The following SLC12A1 variants were observed in gnomAD, a reference collection of about 807,000 sequenced individuals.
The protein encoded by SLC12A1 is Na-K-2Cl cotransporter.
SLC12A1 carries 89 observed loss-of-function variants against 130.4 expected under a neutral mutation model. That is an observed-to-expected ratio of 0.68 (90% CI 0.58 to 0.81). The LOEUF (loss-of-function observed/expected upper bound fraction) is 0.81. Among genes scored for constraint, SLC12A1 ranks in the 40% least tolerant of loss-of-function variants. The probability of loss-of-function intolerance (pLI) is 0.00; values close to 1 mark genes in which losing one functional copy is unlikely to be tolerated. For missense variants in SLC12A1, 1,310 were observed against 1,336.4 expected, an observed-to-expected ratio of 0.98 and a Z score of 0.31; for synonymous variants, 499 against 460.0, an observed-to-expected ratio of 1.08 and a Z score of -1.09.
intron 14 of SLC12A1, among the ~76,000 whole-genome samples, chr15:48,250,159 T>A (rs2041630229): frequency 2.0e-5 from 3 of 152,188 alleles, no homozygotes. Context: ...CTTTGGGCTG[T>A]GGTTTAAAGC....
At chr15:48,236,949 C>T (rs750800383) in intron 9 of SLC12A1, 18 of 685,062 alleles carry the variant, frequency 2.6e-5, no homozygotes, top group Middle Eastern at 2.3e-4. Context: ...CAGTCAGTTC[C>T]GCTTAGCTGG....
At chr15:48,213,817 C>T (rs1162856160) in intron 2 of SLC12A1, among the ~76,000 whole-genome samples, 1 of 152,062 alleles carries the variant, frequency 6.6e-6, no homozygotes, top group Non-Finnish European at 1.5e-5. Context: ...GCCACCACAC[C>T]CAGCCTCCTC....
At chr15:48,228,196 A>G (rs1432304874) in intron 5 of SLC12A1, 5 of 152,220 alleles carry the variant, frequency 3.3e-5, no homozygotes, top group African/African-American at 1.2e-4. Context: ...TTCACCTTCA[A>G]TAAGCTGCCC....
chr15:48,267,471 G>T, intron 17 of SLC12A1, 90 bp from the exon 18 acceptor site: 1 of 1,378,142 alleles, frequency 7.3e-7, no homozygotes, highest in Non-Finnish European at 1.0e-6. Flanking sequence ...ACTCAATGGG[G>T]CATTGCTGGC....
intron 19 of SLC12A1, among the ~76,000 whole-genome samples, chr15:48,270,265 G>A (rs113328995): frequency 1.3e-4 from 20 of 152,108 alleles, no homozygotes; most frequent in Non-Finnish European, 1.9e-4. Context: ...GTGAGTTTCC[G>A]GTGGTACATA....
At chr15:48,289,839 G>A (rs1465450798) in intron 23 of SLC12A1, among the ~76,000 whole-genome samples, 2 of 152,160 alleles carry the variant, frequency 1.3e-5, no homozygotes, top group Non-Finnish European at 2.9e-5. Context: ...GTGAGTGAAT[G>A]TGAGGCCCCA....
chr15:48,214,722 T>C lies in SLC12A1; in HGVS notation c.421-5912T>C, dbSNP rs1172317097. On this transcript the variant is annotated intron_variant, in intron 2 of 26. Coordinates refer to ENST00000380993, the MANE Select transcript of SLC12A1 (RefSeq NM_000338.3). ...TGAAGCTTAGGAATCATCTGGTTCT[T>C]ACTGGGATTGGTTTTTAGATAATTG... Among the ~76,000 whole-genome samples, 4 of 152,124 alleles carry C rather than the reference T, an allele frequency of 2.6e-5. No individual in the cohort carries two copies. The East Asian group carries it at 7.7e-4, about 29-fold the overall frequency.
At chr15:48,257,298 C>T (rs762608128) in intron 16 of SLC12A1, among the ~76,000 whole-genome samples, 42 of 152,178 alleles carry the variant, frequency 2.8e-4, no homozygotes, top group Non-Finnish European at 5.3e-4. Context: ...TCCAGGTGCA[C>T]AGTGCAAACT....
intron 6 of SLC12A1, 45 bp from the exon 7 acceptor site, chr15:48,230,348 T>A (rs765970872): frequency 2.5e-5 from 30 of 1,190,724 alleles, no homozygotes; most frequent in Non-Finnish European, 3.6e-5. Context: ...AAGACTCACA[T>A]GCAAAAAGCT....
intron 20 of SLC12A1, among the ~76,000 whole-genome samples, chr15:48,279,164 T>C (rs544986705): frequency 1.3e-5 from 2 of 152,302 alleles, no homozygotes; most frequent in East Asian, 3.9e-4. Context: ...TTTCCATGCA[T>C]TGTTTTGAGG....
At chr15:48,211,032 G>A (rs984316013) in intron 2 of SLC12A1, among the ~76,000 whole-genome samples, 1 of 152,126 alleles carries the variant, frequency 6.6e-6, no homozygotes, top group Non-Finnish European at 1.5e-5. Context: ...AGACACAAAG[G>A]AATGGCAAAT....
At chr15:48,273,783 C>T (rs2041922320) in intron 19 of SLC12A1, among the ~76,000 whole-genome samples, 1 of 152,078 alleles carries the variant, frequency 6.6e-6, no homozygotes, top group African/African-American at 2.4e-5. Flanking sequence ...ACAATTGTTT[C>T]TGGGGTAGGA....
At chr15:48,301,658 G>A (rs1314674841) in intron 26 of SLC12A1, among the ~76,000 whole-genome samples, 3 of 151,918 alleles carry the variant, frequency 2.0e-5, no homozygotes, top group South Asian at 4.2e-4. Context: ...GTAAGACCAT[G>A]CTCCAGGAAT....
intron 5 of SLC12A1, 64 bp from the exon 6 acceptor site, chr15:48,229,125 A>C (rs918914738): frequency 2.8e-5 from 41 of 1,487,952 alleles, no homozygotes; most frequent in Non-Finnish European, 3.1e-5. Flanking sequence ...TCAGATAGTC[A>C]CAATCGTTTG....
At chr15:48,227,969 T>A (rs1439691784) in intron 5 of SLC12A1, 1 of 152,158 alleles carries the variant, frequency 6.6e-6, no homozygotes, top group Admixed American at 6.5e-5. Flanking sequence ...ACCCAGACAA[T>A]ATGCTACATT....
At position 48,230,462 on chromosome 15, in the gene SLC12A1, C is replaced by G; in HGVS notation, c.934C>G (p.Leu312Val). The G allele has an allele frequency of 6.2e-7, 1 of 1,612,740 alleles. No homozygotes were observed. Among genetic ancestry groups the G allele is most frequent in the Non-Finnish European group, 8.5e-7 (1 of 1,179,420 alleles). Residue 312 changes from leucine (L) to valine (V), a missense_variant, in exon 7 of 27, where the codon CTT (leucine) becomes GTT (valine). Leu to Val is a conservative substitution (Grantham distance 32, BLOSUM62 1). Coordinates refer to ENST00000380993, the MANE Select transcript of SLC12A1 (RefSeq NM_000338.3). ...RIIGSITVVILLGISVAGMEW... is the reference protein window; with the variant it reads ...RIIGSITVVIVLGISVAGMEW... ...TATAGGCTCCATCACAGTGGTGATT[C>G]TTCTAGGAATTTCAGTAGCTGGAAT...
chr15:48,232,002 C>A (rs1176335091), intron 7 of SLC12A1, among the ~76,000 whole-genome samples: 2 of 152,088 alleles, frequency 1.3e-5, no homozygotes, highest in Non-Finnish European at 2.9e-5. Context: ...CAGAGTGAGA[C>A]TCCATCTTGG....
At chr15:48,262,432 A>G (rs137878067) in intron 17 of SLC12A1, among the ~76,000 whole-genome samples, 85 of 152,290 alleles carry the variant, frequency 5.6e-4, no homozygotes, top group African/African-American at 2.0e-3. Context: ...ATTTGAAATT[A>G]ATTTCAAATA....
chr15:48,300,542 C>G (rs2042222704), intron 25 of SLC12A1, among the ~76,000 whole-genome samples: 1 of 151,982 alleles, frequency 6.6e-6, no homozygotes, highest in Non-Finnish European at 1.5e-5. Context: ...ACATTAGGAG[C>G]TGAACTTGAA....
Sources: allele counts gnomAD v4.1 joint callset (sites outside exome capture counted in the v4.1 genomes callset), GRCh38; gene constraint gnomAD v4.1.1; transcripts MANE v1.5; gene names NCBI Gene and HGNC (gene_info 2026-07-23, HGNC 2026-07-21).